BLTP1: variants seen among roughly 807,000 people sequenced by gnomAD.
BLTP1 encodes the protein fragile site-associated protein.
the BLTP1 span, chr4:122,204,696 A>G: frequency 1.8e-6 from 1 of 553,200 alleles, no homozygotes; most frequent in Admixed American, 6.4e-5. Context: ...CAGTCTGATG[A>G]ATGATGAATA....
chr4:122,258,596 G>T, the BLTP1 span: 4 of 1,371,738 alleles, frequency 2.9e-6, no homozygotes, highest in Non-Finnish European at 3.9e-6. Flanking sequence ...ATTTGTCAAG[G>T]AATATGAAAG....
the BLTP1 span, chr4:122,179,962 A>G: frequency 1.0e-6 from 1 of 984,950 alleles, no homozygotes; most frequent in Non-Finnish European, 1.2e-6. Context: ...CTCATAAACA[A>G]GTATCCCTCC....
chr4:122,209,166 A>G, the BLTP1 span: 1 of 1,604,640 alleles, frequency 6.2e-7, no homozygotes. Flanking sequence ...TAGGGAGAAG[A>G]TGTTGATCTT....
At chr4:122,241,725 C>T in the BLTP1 span, among the ~76,000 whole-genome samples, 1 of 152,132 alleles carries the variant, frequency 6.6e-6, no homozygotes, top group African/African-American at 2.4e-5. Context: ...ACCAATTGCC[C>T]ATGCTAAGAT....
chr4:122,189,929 T>C, the BLTP1 span: 1 of 1,551,954 alleles, frequency 6.4e-7, no homozygotes, highest in African/African-American at 1.4e-5. Flanking sequence ...ATTGCCAGCA[T>C]TAACTAGGAT....
the BLTP1 span, chr4:122,246,953 T>G: frequency 1.4e-6 from 2 of 1,387,460 alleles, no homozygotes; most frequent in South Asian, 1.6e-5. Flanking sequence ...AATCTTAATT[T>G]ATAGATTAGT....
At chr4:122,314,631 C>T in the BLTP1 span, among the ~76,000 whole-genome samples, 1 of 152,100 alleles carries the variant, frequency 6.6e-6, no homozygotes, top group Non-Finnish European at 1.5e-5. Context: ...TCTCTCCTTA[C>T]CATTCTGTTT....
chr4:122,206,253 GA>G, the BLTP1 span: 411 of 189,332 alleles, frequency 2.2e-3, 3 homozygotes, highest in African/African-American at 8.6e-3. Flanking sequence ...AAAACAACAT[GA>G]AAAATTGTTC....
chr4:122,236,692 A>G, the BLTP1 span: 4 of 841,200 alleles, frequency 4.8e-6, no homozygotes, highest in African/African-American at 8.4e-5. Flanking sequence ...TCAAGAAAGA[A>G]TATTTGCAGG....
the BLTP1 span, chr4:122,316,541 G>T: frequency 1.5e-6 from 1 of 674,420 alleles, no homozygotes. Flanking sequence ...GCACACTCAT[G>T]GGGAAACGTA....
chr4:122,268,949 A>G, the BLTP1 span: 2 of 175,822 alleles, frequency 1.1e-5, no homozygotes, highest in Non-Finnish European at 2.2e-5. Context: ...TGCTTTATGC[A>G]GTTTTCACAG....
At chr4:122,207,015 A>G in the BLTP1 span, 3 of 1,194,722 alleles carry the variant, frequency 2.5e-6, no homozygotes, top group Non-Finnish European at 2.3e-6. Context: ...CACAAAAGAA[A>G]AATTCATTTT....
the BLTP1 span, among the ~76,000 whole-genome samples, chr4:122,191,251 TG>T: frequency 1.3e-5 from 2 of 152,116 alleles, no homozygotes; most frequent in Admixed American, 6.5e-5. Context: ...ATGATTAAGT[TG>T]CAAGCTGCAC....
chr4:122,169,562 G>C, the BLTP1 span: 2 of 877,770 alleles, frequency 2.3e-6, no homozygotes, highest in Admixed American at 1.2e-4. Flanking sequence ...ATGGTATTAT[G>C]AAGGAATATT....
the BLTP1 span, chr4:122,247,449 GCTA>G: frequency 7.1e-7 from 1 of 1,407,970 alleles, no homozygotes; most frequent in Non-Finnish European, 9.9e-7. Flanking sequence ...TTTGACTATT[GCTA>G]CAATTCGGTA....
the BLTP1 span, among the ~76,000 whole-genome samples, chr4:122,241,575 A>G: frequency 6.6e-6 from 1 of 152,176 alleles, no homozygotes; most frequent in Admixed American, 6.5e-5. Flanking sequence ...ATTAGTAATG[A>G]TGGGACATGA....
chr4:122,239,930 A>G, the BLTP1 span: 1 of 1,614,042 alleles, frequency 6.2e-7, no homozygotes, highest in Non-Finnish European at 8.5e-7. Context: ...ATCCGGGTAG[A>G]AAAAAGAAGA....
chr4:122,315,607 C>T, the BLTP1 span: 1 of 1,614,040 alleles, frequency 6.2e-7, no homozygotes, highest in Non-Finnish European at 8.5e-7. Context: ...ACATAGATGA[C>T]ATTGCTGACT....
the BLTP1 span, chr4:122,256,680 T>C: frequency 5.6e-6 from 1 of 178,864 alleles, no homozygotes; most frequent in East Asian, 1.9e-4. Flanking sequence ...CAAAAGTTTC[T>C]TTCTTACAAT....
Sources: gnomAD v4.1 joint callset for allele counts (sites outside exome capture counted in the v4.1 genomes callset) on GRCh38, gnomAD v4.1.1 for gene constraint, MANE v1.5 for transcripts, NCBI Gene and HGNC (gene_info 2026-07-23, HGNC 2026-07-21) for gene names.